The following ROBO1 variants were observed in gnomAD, a reference collection of about 807,000 sequenced individuals.
ROBO1 encodes the protein roundabout guidance receptor 1.
A neutral mutation model predicts 195.9 loss-of-function variants in ROBO1; 149 were observed. The ratio of observed to expected loss-of-function variants is 0.76; its 90% CI spans 0.67 to 0.87. ROBO1 has a LOEUF of 0.87. Ranked by LOEUF, ROBO1 falls within the 40% of genes least tolerant of loss-of-function variation. ROBO1 has a pLI of 0.00. For missense variants in ROBO1, 1,933 were observed against 2,068.3 expected (o/e 0.93, Z 1.27); for synonymous variants, 816 against 733.2 (o/e 1.11, Z -1.82).
At chr3:79,730,765 T>C (rs1703110184) in intron 1 of ROBO1, among the ~76,000 whole-genome samples, 1 of 141,996 alleles carries the variant, frequency 7.0e-6, no homozygotes, top group Non-Finnish European at 1.5e-5. Flanking sequence ...TTTCCTGTAT[T>C]TCCTTTTTTT....
rs765149483 is a variant in ROBO1 at position 78,662,060 on chromosome 3, C to T, written c.2021G>A (p.Gly674Glu). Residue 674 changes from glycine to glutamate, a missense_variant, in exon 15 of 31, where the codon GGA becomes GAA. By Grantham distance (98) the Gly-to-Glu change is moderately conservative. Coordinates refer to ENST00000464233, the MANE Select transcript of ROBO1 (RefSeq NM_002941.4). ...VDHKQVQRELGNAVLHLHNPT... is the reference protein window; with the variant it reads ...VDHKQVQRELENAVLHLHNPT... ...GTTGTGGAGGTGCAGAACAGCATTTCCCAGCTCTCTCTGGACCTGCTTGTG... is the reference window on the plus strand; with the variant it reads ...GTTGTGGAGGTGCAGAACAGCATTTTCCAGCTCTCTCTGGACCTGCTTGTG... 1.3e-6 allele frequency: 2 copies of T among 1,592,366 alleles called. No individual in the cohort carries two copies. The highest frequency in any genetic ancestry group is 1.3e-5 in the African/African-American group (1 of 74,662).
intron 1 of ROBO1, among the ~76,000 whole-genome samples, chr3:79,632,276 A>G (rs77102419): frequency 0.016 from 2,387 of 152,278 alleles, 57 homozygotes; most frequent in African/African-American, 0.055. Flanking sequence ...TGGACTCTAT[A>G]CACCATGGAA....
chr3:79,191,013 C>T (rs935582308), intron 2 of ROBO1, among the ~76,000 whole-genome samples: 8 of 151,440 alleles, frequency 5.3e-5, no homozygotes, highest in East Asian at 1.9e-4. Context: ...GTGAACTATA[C>T]GATGTAAAAC....
At chr3:78,719,407 C>T (rs906870949) in intron 5 of ROBO1, among the ~76,000 whole-genome samples, 3 of 151,894 alleles carry the variant, frequency 2.0e-5, no homozygotes, top group Non-Finnish European at 2.9e-5. Flanking sequence ...AAAAAAAACA[C>T]GTTAATTATT....
At chr3:79,765,222 G>A (rs756424669) in intron 1 of ROBO1, among the ~76,000 whole-genome samples, 1 of 152,170 alleles carries the variant, frequency 6.6e-6, no homozygotes, top group Non-Finnish European at 1.5e-5. Context: ...GTGCGAAAAG[G>A]CTAAAGGAAG....
At chr3:79,247,148 A>G (rs2108897793) in intron 2 of ROBO1, among the ~76,000 whole-genome samples, 1 of 128,274 alleles carries the variant, frequency 7.8e-6, no homozygotes, top group South Asian at 2.2e-4. Flanking sequence ...TTTTTGTAAG[A>G]AGTATAATAG....
chr3:79,700,313 GTGTT>G (rs1308395915), intron 1 of ROBO1, among the ~76,000 whole-genome samples: 76 of 82,778 alleles, frequency 9.2e-4, no homozygotes, highest in African/African-American at 3.2e-3. Flanking sequence ...TTGTGTGTGT[GTGTT>G]TGTGTGTGTG....
chr3:78,833,675 T>C (rs759904436), intron 4 of ROBO1, among the ~76,000 whole-genome samples: 1 of 152,170 alleles, frequency 6.6e-6, no homozygotes, highest in Non-Finnish European at 1.5e-5. Flanking sequence ...TACTTAGTTC[T>C]GAGCCTGGCC....
intron 2 of ROBO1, among the ~76,000 whole-genome samples, chr3:79,516,496 C>A (rs190092794): frequency 2.8e-4 from 42 of 152,266 alleles, no homozygotes; most frequent in Non-Finnish European, 2.9e-4. Flanking sequence ...CTCCCTACTG[C>A]CACACTGATA....
At chr3:79,591,204 T>G (rs1943990323) in intron 1 of ROBO1, among the ~76,000 whole-genome samples, 1 of 151,832 alleles carries the variant, frequency 6.6e-6, no homozygotes, top group South Asian at 2.1e-4. Context: ...TCCACCTCAA[T>G]GAAGTTCTAA....
At chr3:78,630,905 T>C (rs2249589) in intron 25 of ROBO1, among the ~76,000 whole-genome samples, 49,064 of 152,078 alleles carry the variant, frequency 0.32, 9,691 homozygotes, top group Middle Eastern at 0.45. Context: ...ACACACAGGA[T>C]AGATACATGA....
At chr3:79,258,559 C>T (rs916291622) in intron 2 of ROBO1, among the ~76,000 whole-genome samples, 1 of 152,090 alleles carries the variant, frequency 6.6e-6, no homozygotes, top group Non-Finnish European at 1.5e-5. Context: ...GCTGTCTATG[C>T]CAATATTAAT....
intron 4 of ROBO1, among the ~76,000 whole-genome samples, chr3:78,885,680 A>G (rs2036516660): frequency 6.6e-6 from 1 of 150,860 alleles, no homozygotes; most frequent in Non-Finnish European, 1.5e-5. Flanking sequence ...TACTATTATT[A>G]CCCTCACTGT....
At chr3:79,718,726 G>C (rs1296857404) in intron 1 of ROBO1, among the ~76,000 whole-genome samples, 2 of 151,946 alleles carry the variant, frequency 1.3e-5, no homozygotes, top group African/African-American at 4.8e-5. Context: ...AAGGTTAGAA[G>C]TAAAATTTAA....
chr3:78,625,065 A>T (rs1704679015), intron 26 of ROBO1, among the ~76,000 whole-genome samples: 1 of 152,312 alleles, frequency 6.6e-6, no homozygotes, highest in East Asian at 1.9e-4. Flanking sequence ...GAATGGGGGA[A>T]CATTACCAGA....
chr3:79,052,942 T>G (rs1452352992), intron 3 of ROBO1, among the ~76,000 whole-genome samples: 2 of 152,084 alleles, frequency 1.3e-5, no homozygotes, highest in African/African-American at 4.8e-5. Context: ...CTCTGCTATA[T>G]TAAACTCCCG....
At chr3:79,304,025 G>A (rs1045181336) in intron 2 of ROBO1, among the ~76,000 whole-genome samples, 1 of 152,152 alleles carries the variant, frequency 6.6e-6, no homozygotes, top group East Asian at 1.9e-4. Context: ...ATAGCCTGCA[G>A]TTTTCATTTT....
rs193281671 is a variant in ROBO1 at position 79,368,184 on chromosome 3, C to T, written c.88+221640G>A. Among the ~76,000 whole-genome samples the T allele has an allele frequency of 3.1e-3, 466 of 152,194 alleles. 2 individuals carry two copies. The highest frequency in any genetic ancestry group is 0.011 in the African/African-American group (444 of 41,534). ...CTGGCCTCAAATGATCCGCTCACCTCGGCCTCCCAAAGTGTTGGGATTACA... is the reference window on the plus strand; with the variant it reads ...CTGGCCTCAAATGATCCGCTCACCTTGGCCTCCCAAAGTGTTGGGATTACA... On this transcript the variant is annotated intron_variant, in intron 2 of 30. Transcript: ENST00000464233.
At chr3:78,861,949 A>G (rs1444931412) in intron 4 of ROBO1, among the ~76,000 whole-genome samples, 2 of 152,208 alleles carry the variant, frequency 1.3e-5, no homozygotes, top group Non-Finnish European at 2.9e-5. Context: ...CAACAACCTA[A>G]GGGTAATGGA....
Sources: allele counts gnomAD v4.1 joint callset (sites outside exome capture counted in the v4.1 genomes callset), GRCh38; gene constraint gnomAD v4.1.1; transcripts MANE v1.5; gene names NCBI Gene and HGNC (gene_info 2026-07-23, HGNC 2026-07-21).